Variants in C22orf15 observed in about 807,000 individuals in gnomAD.
C22orf15 encodes chromosome 22 open reading frame 15.
Under a neutral mutation model 20.3 loss-of-function variants are expected in C22orf15, and 21 were observed. The observed-to-expected ratio is 1.04, with a 90% confidence interval of 0.74 to 1.49. The LOEUF is 1.49. Ranked by LOEUF, C22orf15 falls within the 40% of genes most tolerant of loss-of-function variation. The probability of loss-of-function intolerance (pLI) is 0.00; values close to 1 mark genes in which losing one functional copy is unlikely to be tolerated. For synonymous variants in C22orf15, 78 were observed against 75.4 expected, an observed-to-expected ratio of 1.03 and a Z score of -0.18; for missense variants, 170 against 191.1, an observed-to-expected ratio of 0.89 and a Z score of 0.65.
Position 23,764,246 on chromosome 22 carries a change from C to T in C22orf15, c.113-14C>T. On this transcript the variant is annotated splice_polypyrimidine_tract_variant and intron_variant, in intron 2 of 5. Transcript: ENST00000402217. ...GGTGCCAGCCCTGCCCAGTCTCTCT[C>T]CATGTCCTCCCAGCGACCATTGCTC... 1 of 1,551,620 alleles carries T rather than the reference C, an allele frequency of 6.4e-7. No individual in the cohort carries two copies. The highest frequency in any genetic ancestry group is 2.0e-5 in the Admixed American group (1 of 50,988).
intron 5 of C22orf15, 80 bp from the exon 6 acceptor site, chr22:23,765,641 C>A: frequency 1.3e-6 from 2 of 1,513,840 alleles, no homozygotes; most frequent in Non-Finnish European, 1.8e-6. Flanking sequence ...TGCCTCTCCA[C>A]CTCACTCTGG....
intron 1 of C22orf15, 85 bp downstream of exon 1, chr22:23,763,416 G>A (rs1926034494): frequency 4.8e-6 from 7 of 1,445,864 alleles, no homozygotes; most frequent in Non-Finnish European, 6.5e-6. Flanking sequence ...GCGGTGGGTG[G>A]GGAGGCAATG....
chr22:23,764,519 A>G (rs745943177), intron 3 of C22orf15, 120 bp from the exon 4 acceptor site: 9 of 1,556,858 alleles, frequency 5.8e-6, no homozygotes, highest in African/African-American at 1.4e-5. Context: ...CCTAGCCCCA[A>G]TCCATCCCTA....
chr22:23,764,909 T>G lies in C22orf15; in HGVS notation c.435+7T>G, dbSNP rs762532720. ...CACTTCAAGGCCCAGAAAGGTGAGC[T>G]CCCTGCCACCCAGGAGTTGCTAGCT... is the stretch of plus-strand genomic sequence containing the variant. On this transcript the variant is annotated splice_region_variant and intron_variant, in intron 5 of 5. Coordinates refer to ENST00000402217, the MANE Select transcript of C22orf15 (RefSeq NM_182520.3). The G allele has an allele frequency of 6.2e-7, 1 of 1,604,598 alleles. No individual in the cohort carries two copies. Among genetic ancestry groups the G allele is most frequent in the African/African-American group, 1.3e-5 (1 of 74,582 alleles).
At chr22:23,765,264 A>C (rs1926583347) in intron 5 of C22orf15, 2 of 1,503,014 alleles carry the variant, frequency 1.3e-6, no homozygotes, top group African/African-American at 1.4e-5. Context: ...CTGGGTTTGA[A>C]GGGCTTGTTC....
At chr22:23,763,356 AGGC>A (rs1569144249) in intron 1 of C22orf15, 25 bp downstream of exon 1, 1 of 1,544,002 alleles carries the variant, frequency 6.5e-7, no homozygotes, top group South Asian at 1.2e-5. Flanking sequence ...CTGTCTTGGT[AGGC>A]GGATAGGGGG....
chr22:23,764,514 C>A (rs747966780), intron 3 of C22orf15, 117 bp downstream of exon 3: 3 of 1,564,182 alleles, frequency 1.9e-6, no homozygotes, highest in South Asian at 2.2e-5. Flanking sequence ...GGGGACCTAG[C>A]CCCAATCCAT....
chr22:23,764,445 G>A, intron 3 of C22orf15, 48 bp downstream of exon 3: 1 of 1,605,430 alleles, frequency 6.2e-7, no homozygotes, highest in South Asian at 1.1e-5. Flanking sequence ...TAGAATGTAA[G>A]AGGGGGGCAT....
chr22:23,765,288 G>T, intron 5 of C22orf15: 1 of 1,527,124 alleles, frequency 6.5e-7, no homozygotes, highest in Non-Finnish European at 8.8e-7. Flanking sequence ...CATTCTGGCA[G>T]GCTTGGGGAC....
chr22:23,763,982 C>A, intron 1 of C22orf15, 105 bp from the exon 2 acceptor site: 1 of 1,118,726 alleles, frequency 8.9e-7, no homozygotes, highest in Non-Finnish European at 1.3e-6. Flanking sequence ...GCCCATAGGC[C>A]CAGTCGCAGC....
chr22:23,763,651 G>GC (rs2145915374), intron 1 of C22orf15, among the ~76,000 whole-genome samples: 1 of 152,352 alleles, frequency 6.6e-6, no homozygotes, highest in African/African-American at 2.4e-5. Flanking sequence ...GCTTCAGCGT[G>GC]CATCAGACAC....
Position 23,765,845 on chromosome 22 carries a change from A to G in C22orf15, c.*113A>G. On this transcript the variant is annotated 3_prime_UTR_variant, in exon 6 of 6. Transcript: ENST00000402217. ...GGCACACAACAGGCTGTGGTCTAAA[A>G]TAAACTTTTAATTGCACATTTGTGT... 1 of 1,532,032 alleles carries G rather than the reference A, an allele frequency of 6.5e-7. No homozygotes were observed. The highest frequency in any genetic ancestry group is 2.0e-5 in the Admixed American group (1 of 51,084). The allele number at this position is 1,532,032 out of a possible 1,614,324, so 94.9% of individuals were successfully genotyped here.
At chr22:23,763,513 T>A (rs997686429) in intron 1 of C22orf15, among the ~76,000 whole-genome samples, 182 bp downstream of exon 1, 1 of 152,240 alleles carries the variant, frequency 6.6e-6, no homozygotes, top group African/African-American at 2.4e-5. Flanking sequence ...AGCGAGTCCC[T>A]TAAAGGGAAA....
chr22:23,765,009 C>T, intron 5 of C22orf15, 107 bp downstream of exon 5: 1 of 1,511,442 alleles, frequency 6.6e-7, no homozygotes, highest in Non-Finnish European at 8.8e-7. Flanking sequence ...TCCTGCAGGA[C>T]AGACACATAT....
Position 23,764,784 on chromosome 22 carries a change from G to A in C22orf15, c.326-9G>A, listed in dbSNP as rs1055084864. ...AACCCCTACCAACAGGACTTCCTGG[G>A]CCTTCCAGAGGAACTGCGCAGGCTG... On this transcript the variant is annotated splice_polypyrimidine_tract_variant and intron_variant, in intron 4 of 5. Transcript: ENST00000402217. 6.2e-7 allele frequency: 1 copy of A among 1,613,964 alleles called. No individual in the cohort carries two copies. The highest frequency in any genetic ancestry group is 1.3e-5 in the African/African-American group (1 of 74,940).
Position 23,764,306 on chromosome 22 carries a change from G to A in C22orf15, c.159G>A (p.Glu53=). 1.3e-6 allele frequency: 2 copies of A among 1,551,638 alleles called. No individual in the cohort carries two copies. Among genetic ancestry groups the A allele is most frequent in the Non-Finnish European group, 1.7e-6 (2 of 1,146,976 alleles). The change falls in exon 3 of 6, where the codon GAG becomes GAA. Residue 53 remains glutamate, a synonymous_variant. Transcript: ENST00000402217. The part of the protein sequence containing the change: ...LAEDGNLVSL[E]EDLKEGASRA... ...AGGATGGCAACCTAGTGAGCCTGGA[G>A]GAGGACCTGAAGGAAGGGGCTTCCC...
At chr22:23,764,749 C>A (rs371418996) in intron 4 of C22orf15, 36 bp downstream of exon 4, 1 of 1,614,162 alleles carries the variant, frequency 6.2e-7, no homozygotes, top group Non-Finnish European at 8.5e-7. Flanking sequence ...GGAGGGCACA[C>A]CTTCTCCCTA....
At position 23,764,166 on chromosome 22, in the gene C22orf15, C is replaced by G; in HGVS notation, c.105C>G (p.Pro35=). The change falls in exon 2 of 6, where the codon CCC becomes CCG. Residue 35 remains proline (P), a synonymous_variant. Transcript: ENST00000402217. The part of the protein sequence containing the change: ...TAHLRQKAGL[P]PDATIALLAE... ...ACCTGAGGCAGAAAGCAGGGTTGCCCCCAGATGGTGAGGAGACAGGGAGGA... is the reference window on the plus strand; with the variant it reads ...ACCTGAGGCAGAAAGCAGGGTTGCCGCCAGATGGTGAGGAGACAGGGAGGA... The G allele has an allele frequency of 6.4e-7, 1 of 1,551,678 alleles. No individual in the cohort carries two copies. Among genetic ancestry groups the G allele is most frequent in the Non-Finnish European group, 8.7e-7 (1 of 1,147,000 alleles).
rs201685549 is a variant in C22orf15, at chr22:23,764,375, A to G, written c.228A>G (p.Ile76Met). The G allele has an allele frequency of 5.8e-6, 9 of 1,553,856 alleles. No homozygotes were observed. The East Asian group carries it at 1.7e-4, about 29-fold the overall frequency. ...ACTCCCTACTGAAGGAGCGAGCCAT[A>G]TATGTCCTCGTTCGGATCATCAGTA... ...MGNSLLKERAIYVLVRIIKGE... is the reference protein window; with the variant it reads ...MGNSLLKERAMYVLVRIIKGE... Residue 76 changes from isoleucine to methionine, a missense_variant, in exon 3 of 6, where the codon ATA (isoleucine) becomes ATG (methionine). Transcript: ENST00000402217.
Sources: gnomAD v4.1 joint callset for allele counts (sites outside exome capture counted in the v4.1 genomes callset) on GRCh38, gnomAD v4.1.1 for gene constraint, MANE v1.5 for transcripts, NCBI Gene and HGNC (gene_info 2026-07-23, HGNC 2026-07-21) for gene names.